CCDC57: variants seen among roughly 807,000 people sequenced by gnomAD.
CCDC57 encodes coiled-coil domain-containing protein 57.
In CCDC57, 118 loss-of-function variants were observed where a neutral mutation model predicts 118.9. That is an observed-to-expected ratio of 0.99 (90% CI 0.86 to 1.16). CCDC57 has a LOEUF of 1.16. Ranked by LOEUF, CCDC57 falls within the 50% of genes most tolerant of loss-of-function variation. The pLI is 0.00. For missense variants in CCDC57, 1,300 were observed against 1,320.7 expected (o/e 0.98, Z 0.24); for synonymous variants, 527 against 532.9 (o/e 0.99, Z 0.15).
chr17:82,132,060 G>A (rs1263905741), intron 17 of CCDC57, among the ~76,000 whole-genome samples: 8 of 146,316 alleles, frequency 5.5e-5, no homozygotes, highest in Non-Finnish European at 1.0e-4. Context: ...GGAGGTTGCA[G>A]TGAGCCCAAA....
intron 16 of CCDC57, among the ~76,000 whole-genome samples, chr17:82,139,545 G>A (rs1358678376): frequency 6.6e-6 from 1 of 152,080 alleles, no homozygotes. Context: ...TAGTAGAGAT[G>A]GTGCTTTGCC....
chr17:82,171,580 T>G, intron 13 of CCDC57, 121 bp downstream of exon 12: 1 of 1,059,678 alleles, frequency 9.4e-7, no homozygotes, highest in Non-Finnish European at 1.3e-6. Flanking sequence ...CTGGGCTGGA[T>G]GACGCCGCCC....
At chr17:82,211,674 ACTCT>A (rs1239845341) in intron 1 of CCDC57, among the ~76,000 whole-genome samples, 2 of 145,174 alleles carry the variant, frequency 1.4e-5, no homozygotes, top group Non-Finnish European at 3.0e-5. Flanking sequence ...AACCTGACTG[ACTCT>A]CTCTTAGCTG....
intron 16 of CCDC57, 49 bp downstream of exon 15, chr17:82,151,511 C>A (rs563585132): frequency 6.5e-7 from 1 of 1,534,678 alleles, no homozygotes; most frequent in Admixed American, 2.0e-5. Flanking sequence ...AGGTGCACAC[C>A]CAGAACCTGA....
intron 19 of CCDC57, among the ~76,000 whole-genome samples, chr17:82,121,699 T>C (rs1172158645): frequency 6.6e-6 from 1 of 152,230 alleles, no homozygotes; most frequent in East Asian, 1.9e-4. Context: ...AGGGCTCCGA[T>C]GAGCTCCTGG....
At chr17:82,177,798 G>A (rs991121127) in intron 11 of CCDC57, among the ~76,000 whole-genome samples, 9 of 152,124 alleles carry the variant, frequency 5.9e-5, no homozygotes, top group African/African-American at 2.2e-4. Context: ...CTTACATGTC[G>A]GCTGCACTGA....
intron 19 of CCDC57, among the ~76,000 whole-genome samples, chr17:82,124,612 G>A (rs1484521090): frequency 1.3e-5 from 2 of 151,988 alleles, no homozygotes; most frequent in African/African-American, 2.4e-5. Flanking sequence ...GGGCAACAGA[G>A]CGACACCTTG....
At chr17:82,104,068 G>A (rs868072836) in intron 19 of CCDC57, among the ~76,000 whole-genome samples, 45 of 152,354 alleles carry the variant, frequency 3.0e-4, no homozygotes, top group African/African-American at 1.1e-3. Context: ...CAAGGCGGCT[G>A]CCCCAGGCGT....
chr17:82,102,610 TG>T (rs1421907093), intron 19 of CCDC57, among the ~76,000 whole-genome samples: 21 of 152,280 alleles, frequency 1.4e-4, no homozygotes, highest in Non-Finnish European at 1.3e-4. Context: ...GGGCTGGGCT[TG>T]GTGGCTCACG....
intron 19 of CCDC57, chr17:82,127,016 C>G: frequency 2.0e-6 from 2 of 985,378 alleles, no homozygotes; most frequent in South Asian, 9.4e-5. Context: ...CCCCCCTTCT[C>G]GCTACATCAC....
intron 16 of CCDC57, among the ~76,000 whole-genome samples, chr17:82,144,422 T>C (rs1352987552): frequency 6.6e-6 from 1 of 152,236 alleles, no homozygotes; most frequent in Non-Finnish European, 1.5e-5. Flanking sequence ...CCACAGACTC[T>C]TGCTGAAGGA....
intron 13 of CCDC57, among the ~76,000 whole-genome samples, chr17:82,168,368 G>A (rs550273859): frequency 9.8e-5 from 15 of 152,318 alleles, no homozygotes; most frequent in African/African-American, 3.1e-4. Context: ...GCCAGCGCAA[G>A]TGGATCACCT....
chr17:82,190,064 G>C (rs534519698), intron 7 of CCDC57, among the ~76,000 whole-genome samples: 1 of 152,052 alleles, frequency 6.6e-6, no homozygotes, highest in Non-Finnish European at 1.5e-5. Flanking sequence ...TGAGCAGTTT[G>C]TCTCTCCAGT....
chr17:82,146,654 CTACTT>C (rs925024655), intron 16 of CCDC57, among the ~76,000 whole-genome samples: 1 of 152,234 alleles, frequency 6.6e-6, no homozygotes, highest in Admixed American at 6.5e-5. Context: ...TCTTCTCACT[CTACTT>C]TCTTCTCTAA....
intron 19 of CCDC57, among the ~76,000 whole-genome samples, chr17:82,117,936 G>A (rs1305068249): frequency 6.6e-6 from 1 of 152,094 alleles, no homozygotes; most frequent in Non-Finnish European, 1.5e-5. Flanking sequence ...CTGTGAGCAC[G>A]CAGGGCACAC....
Position 82,118,130 on chromosome 17 carries a change from C to T in CCDC57, c.2899+9562G>A, listed in dbSNP as rs1389011172. Among the ~76,000 whole-genome samples the T allele has an allele frequency of 6.6e-6, 1 of 152,142 alleles. No homozygotes were observed. The highest frequency in any genetic ancestry group is 1.5e-5 in the Non-Finnish European group (1 of 68,018). On this transcript the variant is annotated intron_variant, in intron 19 of 19. Coordinates refer to ENST00000665763, the Ensembl canonical transcript of CCDC57. This position sits in a 1 kb window ranked among gnomAD's most constrained non-coding sequence, Gnocchi z 4.7. Reference sequence around the variant, plus strand: ...CAGACATAAATAAAAAAGCAAGCTGCCCCCACGATATGCAATTGACAAGAA... The same window carrying T: ...CAGACATAAATAAAAAAGCAAGCTGTCCCCACGATATGCAATTGACAAGAA...
chr17:82,200,421 T>C (rs530634116), intron 3 of CCDC57, among the ~76,000 whole-genome samples: 1 of 152,294 alleles, frequency 6.6e-6, no homozygotes, highest in South Asian at 2.1e-4. Context: ...TCCACCACAG[T>C]ATCTTCTCTG....
Position 82,201,720 on chromosome 17 carries a change from G to A in CCDC57, c.225C>T (p.Asp75=), listed in dbSNP as rs377130098. ...ACTCCCTGGCCTGGGCGAAGGCGGC[G>A]TCATAGCGCTCCAGCTCGAGGTCCC... Residue 75 remains aspartate (D), a synonymous_variant, in exon 3 of 20, where the codon GAC becomes GAT. Transcript: ENST00000665763. The A allele has an allele frequency of 4.3e-6, 7 of 1,613,960 alleles. No homozygotes were observed. The East Asian group carries it at 6.7e-5, about 15-fold the overall frequency.
chr17:82,143,468 T>C (rs1240496725), intron 16 of CCDC57, among the ~76,000 whole-genome samples: 1 of 114,766 alleles, frequency 8.7e-6, no homozygotes, highest in Admixed American at 1.0e-4. Context: ...GGAGGGGTGC[T>C]CTTACACACA....
Sources: gnomAD v4.1 joint callset for allele counts (sites outside exome capture counted in the v4.1 genomes callset) on GRCh38, gnomAD v4.1.1 for gene constraint, Gnocchi (gnomAD v3.1) non-coding constraint, MANE v1.5 for transcripts, NCBI Gene and HGNC (gene_info 2026-07-23, HGNC 2026-07-21) for gene names.